The following RELL1 variants were observed in gnomAD, a reference collection of about 807,000 sequenced individuals.
RELL1 encodes RELT like 1.
In RELL1, 10 loss-of-function variants were observed where a neutral mutation model predicts 23.0. The observed-to-expected ratio is 0.43, with a 90% confidence interval of 0.27 to 0.74. The LOEUF (loss-of-function observed/expected upper bound fraction) is 0.74, where lower values mean the gene tolerates loss of function less well. Among genes scored for constraint, RELL1 ranks in the 30% least tolerant of loss-of-function variants. The probability of loss-of-function intolerance (pLI) is 0.19; values close to 1 mark genes in which losing one functional copy is unlikely to be tolerated. For missense variants in RELL1, 315 were observed against 364.4 expected, an observed-to-expected ratio of 0.86 and a Z score of 1.10; for synonymous variants, 146 against 146.8, an observed-to-expected ratio of 0.99 and a Z score of 0.04.
intron 6 of RELL1, among the ~76,000 whole-genome samples, chr4:37,602,163 G>C (rs934877401): frequency 7.1e-6 from 1 of 140,890 alleles, no homozygotes; most frequent in Non-Finnish European, 1.5e-5. Context: ...GCTCTGGTGA[G>C]CCATGATTGT....
chr4:37,678,162 G>A (rs1383208255), intron 1 of RELL1, among the ~76,000 whole-genome samples: 1 of 152,172 alleles, frequency 6.6e-6, no homozygotes, highest in African/African-American at 2.4e-5. Context: ...AGGAGCAAGA[G>A]AGAGTTGGGG....
At chr4:37,607,584 T>C (rs74654843), downstream of RELL1, among the ~76,000 whole-genome samples, 4 of 143,104 alleles carry the variant, frequency 2.8e-5, no homozygotes, top group Admixed American at 7.8e-5. Context: ...CTTTTCTTTT[T>C]TTTTTTTTTT....
intron 3 of RELL1, among the ~76,000 whole-genome samples, chr4:37,642,678 G>T (rs1404115444): frequency 6.6e-6 from 1 of 152,134 alleles, no homozygotes; most frequent in Non-Finnish European, 1.5e-5. Context: ...TTGGGGTGGA[G>T]CCCCTAAACA....
rs973225707 is a variant in RELL1 at position 37,592,070 on chromosome 4, C to T, written c.*4-853G>A. On this transcript the variant is annotated intron_variant, in intron 6 of 6. Transcript: ENST00000314117. ...AAAAATACAAAAAATTATCCGGGCA[C>T]GGTGGCGGGCGCCTGTAATCCCAGC... Among the ~76,000 whole-genome samples the T allele has an allele frequency of 3.3e-5, 5 of 151,638 alleles. No individual in the cohort carries two copies. The East Asian group carries it at 5.8e-4, about 18-fold the overall frequency.
At chr4:37,638,936 T>C (rs1720428061) in intron 3 of RELL1, among the ~76,000 whole-genome samples, 1 of 152,206 alleles carries the variant, frequency 6.6e-6, no homozygotes, top group South Asian at 2.1e-4. Flanking sequence ...TGACCTATAG[T>C]CTAATAACTT....
chr4:37,685,069 A>G (rs1722355372), intron 1 of RELL1, among the ~76,000 whole-genome samples: 1 of 152,250 alleles, frequency 6.6e-6, no homozygotes, highest in Non-Finnish European at 1.5e-5. Flanking sequence ...TCAGGAGACA[A>G]TATTATCCAT....
rs539720664 is a variant in RELL1 at position 37,611,958 on chromosome 4, G to C, written c.*1388C>G. Reference sequence around the variant, plus strand: ...TGGGAGGCCGAGGCGGGTGGATCACGAGGTCAGGAGATCGAGACCATCTTC... The same window carrying C: ...TGGGAGGCCGAGGCGGGTGGATCACCAGGTCAGGAGATCGAGACCATCTTC... On this transcript the variant is annotated 3_prime_UTR_variant, in exon 7 of 7. Coordinates refer to ENST00000454158, the MANE Select transcript of RELL1 (RefSeq NM_001085400.2). Among the ~76,000 whole-genome samples the C allele has an allele frequency of 1.3e-5, 2 of 149,540 alleles. No individual in the cohort carries two copies. Among genetic ancestry groups the C allele is most frequent in the Non-Finnish European group, 3.0e-5 (2 of 67,216 alleles).
chr4:37,666,674 G>A (rs993948316), intron 1 of RELL1, among the ~76,000 whole-genome samples: 2 of 152,138 alleles, frequency 1.3e-5, no homozygotes, highest in African/African-American at 4.8e-5. Flanking sequence ...GTTAAATGTG[G>A]GGTGCAGAAA....
At chr4:37,682,047 T>G (rs1451872514) in intron 1 of RELL1, among the ~76,000 whole-genome samples, 2 of 152,200 alleles carry the variant, frequency 1.3e-5, no homozygotes, top group African/African-American at 2.4e-5. Flanking sequence ...AGCTTACACA[T>G]GAGTGACTTT....
chr4:37,617,082 T>C (rs2109237985), intron 6 of RELL1, among the ~76,000 whole-genome samples: 1 of 152,370 alleles, frequency 6.6e-6, no homozygotes, highest in East Asian at 1.9e-4. Flanking sequence ...AATAGATTCA[T>C]GCTAATCTAG....
In RELL1 at chr4:37,611,259, T is replaced by C. The variant is rs1452376020; in HGVS notation, c.*2087A>G. On this transcript the variant is annotated 3_prime_UTR_variant, in exon 7 of 7. Transcript: ENST00000454158. ...AAATGATTAGCCTAGACTGCACATATATTATTTACACTAATACATACCCCT... is the reference window on the plus strand; with the variant it reads ...AAATGATTAGCCTAGACTGCACATACATTATTTACACTAATACATACCCCT... 1.3e-5 allele frequency among the ~76,000 whole-genome samples: 2 copies of C among 152,224 alleles called. No individual in the cohort carries two copies. The highest frequency in any genetic ancestry group is 3.8e-4 in the East Asian group (2 of 5,202).
intron 6 of RELL1, among the ~76,000 whole-genome samples, chr4:37,620,458 A>G (rs1018730756): frequency 2.6e-5 from 4 of 152,244 alleles, no homozygotes; most frequent in East Asian, 1.9e-4. Context: ...AATGTAACTG[A>G]CATCAAAAGT....
chr4:37,603,818 GTTGT>G lies in RELL1; in HGVS notation c.*4-12605_*4-12602del, dbSNP rs904272775. ...GTGCTGGTTGCTTTTTTTTGTTGTTGTTGTTTGTTTGTTTGTTTGAGACAGAGTC... is the reference window on the plus strand; with the variant it reads ...GTGCTGGTTGCTTTTTTTTGTTGTTGTTGTTTGTTTGTTTGAGACAGAGTC... On this transcript the variant is annotated intron_variant, in intron 6 of 6. Coordinates refer to the RELL1 transcript ENST00000314117. Among the ~76,000 whole-genome samples, 8 of 151,606 alleles carry G rather than the reference GTTGT, an allele frequency of 5.3e-5. 1 individual carries two copies. Among genetic ancestry groups the G allele is most frequent in the Middle Eastern group, 6.8e-3 (2 of 294 alleles).
In RELL1 at chr4:37,631,543, AGGTGATGG is replaced by A; in HGVS notation, c.681-28_681-21del. Reference sequence around the variant, plus strand: ...CTAAATCTGAGGGGGGAATGGGGAGAGGTGATGGGGTTTGCTTTTCTAATAAACAAGAA... The same window carrying A: ...CTAAATCTGAGGGGGGAATGGGGAGAGGTTTGCTTTTCTAATAAACAAGAA... On this transcript the variant is annotated intron_variant, in intron 5 of 6. Coordinates refer to ENST00000454158, the MANE Select transcript of RELL1 (RefSeq NM_001085400.2). 6.2e-7 allele frequency: 1 copy of A among 1,613,088 alleles called. No homozygotes were observed. Among genetic ancestry groups the A allele is most frequent in the Non-Finnish European group, 8.5e-7 (1 of 1,179,548 alleles).
intron 3 of RELL1, among the ~76,000 whole-genome samples, chr4:37,640,125 T>C (rs906013742): frequency 2.6e-5 from 4 of 152,218 alleles, no homozygotes; most frequent in Admixed American, 2.0e-4. Context: ...CATTGCCCCA[T>C]TGCAACCCTT....
intron 6 of RELL1, among the ~76,000 whole-genome samples, chr4:37,604,910 C>T (rs1315305541): frequency 1.9e-4 from 11 of 58,808 alleles, no homozygotes; most frequent in South Asian, 8.7e-4. Context: ...GACACACACA[C>T]ACACACACAG....
chr4:37,650,009 G>T (rs866235542), intron 1 of RELL1, among the ~76,000 whole-genome samples: 1 of 152,164 alleles, frequency 6.6e-6, no homozygotes, highest in Non-Finnish European at 1.5e-5. Context: ...TTAACATCTT[G>T]ATGCCTTGGT....
At chr4:37,590,816 G>T (rs1362552960) in exon 7 of RELL1, 1 of 1,614,218 alleles carries the variant, frequency 6.2e-7, no homozygotes, top group African/African-American at 1.3e-5. Flanking sequence ...CTAAGCATCT[G>T]CTTTAATGAG....
At chr4:37,635,186 C>T in intron 4 of RELL1, 63 bp from the exon 5 acceptor site, 6 of 1,284,496 alleles carry the variant, frequency 4.7e-6, no homozygotes, top group South Asian at 1.2e-5. Flanking sequence ...AAGGTGATCT[C>T]TCTCCCTGTG....
Sources: allele counts gnomAD v4.1 joint callset (sites outside exome capture counted in the v4.1 genomes callset), GRCh38; gene constraint gnomAD v4.1.1; transcripts MANE v1.5; gene names NCBI Gene and HGNC (gene_info 2026-07-23, HGNC 2026-07-21).